The following PLGRKT variants were observed in gnomAD, a reference collection of about 807,000 sequenced individuals.
PLGRKT encodes the protein plasminogen receptor with a C-terminal lysine.
In PLGRKT, 22 loss-of-function variants were observed where a neutral mutation model predicts 18.5. The observed-to-expected ratio is 1.19, with a 90% CI of 0.85 to 1.70. PLGRKT has a LOEUF of 1.70. PLGRKT is among the 40% of genes most tolerant of loss of function. PLGRKT has a pLI of 0.00. For synonymous variants in PLGRKT, 72 were observed against 52.8 expected, an observed-to-expected ratio of 1.36 and a Z score of -1.58; for missense variants, 235 against 174.4, an observed-to-expected ratio of 1.35 and a Z score of -1.96.
At chr9:5,419,328 G>C (rs1205134384) in intron 3 of PLGRKT, among the ~76,000 whole-genome samples, 1 of 152,224 alleles carries the variant, frequency 6.6e-6, no homozygotes, top group Non-Finnish European at 1.5e-5. Flanking sequence ...TTCTGAGCAT[G>C]ATGACATCAA....
chr9:5,380,351 A>G (rs1444579165), intron 3 of PLGRKT, among the ~76,000 whole-genome samples: 1 of 150,274 alleles, frequency 6.7e-6, no homozygotes, highest in Non-Finnish European at 1.5e-5. Flanking sequence ...TCGGCCAAAC[A>G]GCGAGACTCT....
rs78656712 is a variant in PLGRKT, at chr9:5,418,987, G to A, written c.81+12910C>T. 628 of 637,322 alleles carry A rather than the reference G, an allele frequency of 9.9e-4. No homozygotes were observed. In the African/African-American group the frequency reaches 0.011, roughly 11 times the overall value. The allele number at this position is 637,322 out of a possible 1,614,324, so 39.5% of individuals were successfully genotyped here. Reference sequence around the variant, plus strand: ...GGACAGCGTCTCCATGGTGGACCCTGAGCAGGAAGGGCAAGGCCAAGGGGA... The same window carrying A: ...GGACAGCGTCTCCATGGTGGACCCTAAGCAGGAAGGGCAAGGCCAAGGGGA... On this transcript the variant is annotated intron_variant, in intron 3 of 5. Coordinates refer to ENST00000223864, the MANE Select transcript of PLGRKT (RefSeq NM_018465.4). The surrounding 1 kb of genome is among the most constrained non-coding windows in gnomAD (Gnocchi z 4.2).
intron 3 of PLGRKT, among the ~76,000 whole-genome samples, chr9:5,374,808 C>A (rs997896714): frequency 2.6e-5 from 4 of 152,150 alleles, no homozygotes; most frequent in Non-Finnish European, 5.9e-5. Flanking sequence ...TTCCAACATT[C>A]ATATTCCTAT....
At chr9:5,396,654 T>C (rs1818055320) in intron 3 of PLGRKT, among the ~76,000 whole-genome samples, 1 of 152,010 alleles carries the variant, frequency 6.6e-6, no homozygotes, top group African/African-American at 2.4e-5. Flanking sequence ...TAGAATTGCA[T>C]TTAATGACTC....
At chr9:5,404,068 G>A (rs1268947241) in intron 3 of PLGRKT, among the ~76,000 whole-genome samples, 2 of 152,160 alleles carry the variant, frequency 1.3e-5, no homozygotes, top group East Asian at 1.9e-4. Flanking sequence ...CCCTTCTCAA[G>A]ACTGAACCAG....
chr9:5,386,891 G>C (rs1017665554), intron 3 of PLGRKT, among the ~76,000 whole-genome samples: 2 of 151,904 alleles, frequency 1.3e-5, no homozygotes, highest in Non-Finnish European at 2.9e-5. Flanking sequence ...GTCTTGCCCA[G>C]ACAACCCCTC....
intron 3 of PLGRKT, among the ~76,000 whole-genome samples, chr9:5,424,699 G>T (rs1178692214): frequency 1.6e-5 from 1 of 61,840 alleles, no homozygotes; most frequent in Non-Finnish European, 3.3e-5. Context: ...TATACACACA[G>T]GGGGGGGAGA....
chr9:5,383,149 T>C (rs1344032105), intron 3 of PLGRKT, among the ~76,000 whole-genome samples: 1 of 151,964 alleles, frequency 6.6e-6, no homozygotes, highest in Non-Finnish European at 1.5e-5. Flanking sequence ...CAGGCAGAGA[T>C]TGGAGCAATG....
chr9:5,364,263 G>A (rs1377085382), intron 3 of PLGRKT, among the ~76,000 whole-genome samples: 1 of 152,178 alleles, frequency 6.6e-6, no homozygotes, highest in Admixed American at 6.5e-5. Context: ...AGCCGGGACT[G>A]AGAACCGTCA....
intron 3 of PLGRKT, among the ~76,000 whole-genome samples, chr9:5,363,354 G>A (rs1250097370): frequency 1.3e-5 from 2 of 151,616 alleles, no homozygotes; most frequent in Non-Finnish European, 2.9e-5. Context: ...GGATCCAGTG[G>A]CCTTCCCCAC....
intron 3 of PLGRKT, among the ~76,000 whole-genome samples, chr9:5,389,813 T>C (rs1226846979): frequency 6.6e-6 from 1 of 151,816 alleles, no homozygotes; most frequent in Non-Finnish European, 1.5e-5. Flanking sequence ...AAGGACAAAG[T>C]AGAGAAACCA....
intron 3 of PLGRKT, among the ~76,000 whole-genome samples, chr9:5,378,033 G>A (rs1453842225): frequency 6.6e-6 from 1 of 152,066 alleles, no homozygotes; most frequent in Non-Finnish European, 1.5e-5. Flanking sequence ...CACCCTAAAG[G>A]GAAGCTCTTG....
intron 3 of PLGRKT, among the ~76,000 whole-genome samples, chr9:5,386,267 C>T (rs776002472): frequency 6.6e-6 from 1 of 151,744 alleles, no homozygotes; most frequent in Non-Finnish European, 1.5e-5. Context: ...GAGAGTAAAA[C>T]CAAAGCCCAG....
chr9:5,405,266 T>C (rs1415781600), intron 3 of PLGRKT, among the ~76,000 whole-genome samples: 2 of 152,174 alleles, frequency 1.3e-5, no homozygotes, highest in African/African-American at 4.8e-5. Flanking sequence ...ATTTTAAAAT[T>C]CATATGGAAC....
At chr9:5,369,891 G>A (rs917824903) in intron 3 of PLGRKT, among the ~76,000 whole-genome samples, 1 of 152,036 alleles carries the variant, frequency 6.6e-6, no homozygotes, top group African/African-American at 2.4e-5. Flanking sequence ...TGAACAATGA[G>A]AACAAATGGA....
intron 3 of PLGRKT, among the ~76,000 whole-genome samples, chr9:5,370,089 AAAT>A (rs1817484630): frequency 6.6e-6 from 1 of 152,198 alleles, no homozygotes; most frequent in Non-Finnish European, 1.5e-5. Context: ...TAAAAAATAA[AAAT>A]AAAAGTAAAA....
chr9:5,373,792 AG>A (rs201778813), intron 3 of PLGRKT, among the ~76,000 whole-genome samples: 26 of 151,622 alleles, frequency 1.7e-4, no homozygotes, highest in East Asian at 5.8e-4. Flanking sequence ...AAGAAAAAGA[AG>A]AAAAAAAAAA....
At chr9:5,420,009 G>T (rs889477372) in intron 3 of PLGRKT, among the ~76,000 whole-genome samples, 1 of 152,086 alleles carries the variant, frequency 6.6e-6, no homozygotes, top group African/African-American at 2.4e-5. Flanking sequence ...AACAAAATGT[G>T]GTATATCCAT....
rs976707683 is a variant in PLGRKT at position 5,382,034 on chromosome 9, GA to G, written c.82-20147del. The G allele has an allele frequency of 3.1e-5, 30 of 983,586 alleles. 1 individual carries two copies. In the African/African-American group the frequency reaches 3.8e-4, roughly 13 times the overall value. The allele number at this position is 983,586 out of a possible 1,614,324, so 60.9% of individuals were successfully genotyped here. On this transcript the variant is annotated intron_variant, in intron 3 of 5. Coordinates refer to ENST00000223864, the MANE Select transcript of PLGRKT (RefSeq NM_018465.4). ...CTTAGCAGTTGAAAATGTGCACCCTGAAAAAAAAGTCATATTAGCCTCACAA... is the reference window on the plus strand; with the variant it reads ...CTTAGCAGTTGAAAATGTGCACCCTGAAAAAAAGTCATATTAGCCTCACAA...
Sources: gnomAD v4.1 joint callset for allele counts (sites outside exome capture counted in the v4.1 genomes callset) on GRCh38, gnomAD v4.1.1 for gene constraint, Gnocchi (gnomAD v3.1) non-coding constraint, MANE v1.5 for transcripts, NCBI Gene and HGNC (gene_info 2026-07-23, HGNC 2026-07-21) for gene names.